Variants in ARHGAP42 observed in about 807,000 individuals in gnomAD.
ARHGAP42 encodes the protein rho GTPase-activating protein 42.
Under a neutral mutation model 125.0 loss-of-function variants are expected in ARHGAP42, and 63 were observed. The ratio of observed to expected loss-of-function variants is 0.50; its 90% CI spans 0.41 to 0.62. The LOEUF is 0.62. Among genes scored for constraint, ARHGAP42 ranks in the 20% least tolerant of loss-of-function variants. ARHGAP42 has a pLI of 0.00. For synonymous variants in ARHGAP42, 339 were observed against 351.0 expected (o/e 0.97, Z 0.38); for missense variants, 766 against 1,024.2 (o/e 0.75, Z 3.44).
At chr11:100,980,263 C>T (rs485269) in intron 22 of ARHGAP42, among the ~76,000 whole-genome samples, 39,349 of 151,926 alleles carry the variant, frequency 0.26, 6,292 homozygotes, top group East Asian at 0.69. Context: ...ATGCATGTCA[C>T]AGCAAACATC....
chr11:100,834,664 C>G (rs1864740705), intron 3 of ARHGAP42, among the ~76,000 whole-genome samples: 2 of 151,880 alleles, frequency 1.3e-5, no homozygotes, highest in African/African-American at 4.8e-5. Flanking sequence ...ATTGGGGGCA[C>G]TAGTAGTAGC....
At chr11:100,824,770 G>A (rs1864477930) in intron 3 of ARHGAP42, among the ~76,000 whole-genome samples, 1 of 152,126 alleles carries the variant, frequency 6.6e-6, no homozygotes, top group African/African-American at 2.4e-5. Context: ...ATAAACTTAT[G>A]TCTGTGAAAG....
At chr11:100,863,511 C>T (rs1184980991) in intron 4 of ARHGAP42, among the ~76,000 whole-genome samples, 1 of 152,136 alleles carries the variant, frequency 6.6e-6, no homozygotes, top group Non-Finnish European at 1.5e-5. Context: ...TATTCTATGG[C>T]ACTTTGAGAC....
intron 7 of ARHGAP42, among the ~76,000 whole-genome samples, chr11:100,934,905 T>C (rs1867691389): frequency 6.6e-6 from 1 of 152,212 alleles, no homozygotes; most frequent in African/African-American, 2.4e-5. Context: ...ATTCATTCTA[T>C]TGTTTTTCCA....
intron 1 of ARHGAP42, among the ~76,000 whole-genome samples, chr11:100,715,076 T>TAAC (rs1861635331): frequency 7.4e-6 from 1 of 134,618 alleles, no homozygotes; most frequent in African/African-American, 2.8e-5. Flanking sequence ...AAAAAAAAAG[T>TAAC]TTATTTAAAC....
intron 22 of ARHGAP42, among the ~76,000 whole-genome samples, chr11:100,985,667 G>A (rs564858021): frequency 2.0e-5 from 3 of 152,330 alleles, no homozygotes; most frequent in South Asian, 4.1e-4. Context: ...CTGGGACGTT[G>A]TGCTGTGTGG....
intron 2 of ARHGAP42, among the ~76,000 whole-genome samples, chr11:100,781,943 T>TG (rs1247175832): frequency 2.6e-5 from 4 of 151,788 alleles, no homozygotes; most frequent in African/African-American, 9.7e-5. Flanking sequence ...ATTTTTTTTT[T>TG]TTTTTGTGCA....
intron 3 of ARHGAP42, among the ~76,000 whole-genome samples, chr11:100,798,385 C>A (rs1863770368): frequency 6.6e-6 from 1 of 152,180 alleles, no homozygotes; most frequent in Admixed American, 6.5e-5. Flanking sequence ...TAAGAAATTA[C>A]CACAGCCACT....
chr11:100,808,055 A>G (rs570295459), intron 3 of ARHGAP42, among the ~76,000 whole-genome samples: 119 of 80,898 alleles, frequency 1.5e-3, no homozygotes, highest in South Asian at 3.7e-3. Context: ...GAGGCACTCA[A>G]TTTTAAAGGA....
At chr11:100,975,153 T>G (rs529284368) in intron 19 of ARHGAP42, among the ~76,000 whole-genome samples, 2 of 152,184 alleles carry the variant, frequency 1.3e-5, no homozygotes, top group Non-Finnish European at 2.9e-5. Flanking sequence ...CCCAATTTTT[T>G]GCTCACAGTC....
chr11:100,941,918 A>G lies in ARHGAP42; in HGVS notation c.933+34A>G, dbSNP rs547948073. ...GTTTTGTTTTCTGTTTGTTTTTTAAACTGTTCATTATTTAAGTAATGGAAT... is the reference window on the plus strand; with the variant it reads ...GTTTTGTTTTCTGTTTGTTTTTTAAGCTGTTCATTATTTAAGTAATGGAAT... On this transcript the variant is annotated intron_variant, in intron 9 of 23. Transcript: ENST00000298815. 1.8e-5 allele frequency: 25 copies of G among 1,405,744 alleles called. No individual in the cohort carries two copies. The South Asian group carries it at 3.0e-4, about 17-fold the overall frequency. The allele number at this position is 1,405,744 out of a possible 1,614,324, so 87.1% of individuals were successfully genotyped here. A position where few individuals can be genotyped will look rare whatever the true frequency, so the allele number is the denominator to read the frequency against.
chr11:100,692,550 G>A, intron 1 of ARHGAP42, among the ~76,000 whole-genome samples: 1 of 152,116 alleles, frequency 6.6e-6, no homozygotes, highest in East Asian at 1.9e-4. Flanking sequence ...TTGCCCTGAT[G>A]AAGGCCTTCC....
At chr11:100,699,040 T>C (rs1861343120) in intron 1 of ARHGAP42, among the ~76,000 whole-genome samples, 2 of 152,136 alleles carry the variant, frequency 1.3e-5, no homozygotes, top group African/African-American at 4.8e-5. Flanking sequence ...TTCTCTTAAA[T>C]GTTGGTGGTA....
intron 12 of ARHGAP42, among the ~76,000 whole-genome samples, chr11:100,954,750 G>C (rs1048659409): frequency 2.0e-5 from 3 of 152,110 alleles, no homozygotes; most frequent in Non-Finnish European, 1.5e-5. Flanking sequence ...CATGGGCAGA[G>C]CAGAATGAAA....
intron 4 of ARHGAP42, among the ~76,000 whole-genome samples, chr11:100,879,942 C>A (rs1033995283): frequency 8.5e-5 from 13 of 152,276 alleles, no homozygotes; most frequent in African/African-American, 2.9e-4. Context: ...AGTCATTGAA[C>A]CCTCATCCCT....
At chr11:100,775,856 T>A (rs968581225) in intron 2 of ARHGAP42, among the ~76,000 whole-genome samples, 1 of 152,168 alleles carries the variant, frequency 6.6e-6, no homozygotes, top group Non-Finnish European at 1.5e-5. Flanking sequence ...ACCTCTAGGT[T>A]TTAAAAAAAT....
At chr11:100,879,122 T>C (rs1380430056) in intron 4 of ARHGAP42, among the ~76,000 whole-genome samples, 1 of 152,134 alleles carries the variant, frequency 6.6e-6, no homozygotes. Flanking sequence ...AGGATCTTAT[T>C]AGAAATGCAG....
chr11:100,929,936 G>T (rs531624540), intron 6 of ARHGAP42, among the ~76,000 whole-genome samples: 63 of 152,024 alleles, frequency 4.1e-4, no homozygotes, highest in Non-Finnish European at 8.1e-4. Context: ...CTTGTAATGG[G>T]GTTATTTTAA....
At chr11:100,949,251 C>T (rs936241489) in intron 11 of ARHGAP42, among the ~76,000 whole-genome samples, 1 of 152,046 alleles carries the variant, frequency 6.6e-6, no homozygotes, top group Non-Finnish European at 1.5e-5. Flanking sequence ...CTTTGAGACC[C>T]TCCCTCAAAC....
Sources: allele counts gnomAD v4.1 joint callset (sites outside exome capture counted in the v4.1 genomes callset), GRCh38; gene constraint gnomAD v4.1.1; transcripts MANE v1.5; gene names NCBI Gene and HGNC (gene_info 2026-07-23, HGNC 2026-07-21).